AK9: variants seen among roughly 807,000 people sequenced by gnomAD.
The protein encoded by AK9 is adenylate kinase 9.
A neutral mutation model predicts 239.6 loss-of-function variants in AK9; 191 were observed. The observed-to-expected ratio is 0.80, with a 90% confidence interval of 0.71 to 0.90. The LOEUF is 0.90. AK9 is among the 40% of genes least tolerant of loss of function. The pLI, the probability that AK9 is intolerant of heterozygous loss-of-function variation, is 0.00. For synonymous variants in AK9, 689 were observed against 721.0 expected, an observed-to-expected ratio of 0.96 and a Z score of 0.71; for missense variants, 1,995 against 2,214.7, an observed-to-expected ratio of 0.90 and a Z score of 1.99.
chr6:109,628,343 T>C (rs1472926539), intron 12 of AK9, among the ~76,000 whole-genome samples: 1 of 152,160 alleles, frequency 6.6e-6, no homozygotes, highest in Non-Finnish European at 1.5e-5. Context: ...AGCAGCTCCC[T>C]TCTCCCTGCT....
intron 7 of AK9, among the ~76,000 whole-genome samples, chr6:109,659,013 C>T (rs932192374): frequency 5.3e-5 from 8 of 152,066 alleles, no homozygotes; most frequent in South Asian, 2.1e-4. Context: ...TGTAGAGACA[C>T]GTCTATGCTG....
At chr6:109,627,913 G>C (rs1795725553) in intron 12 of AK9, among the ~76,000 whole-genome samples, 1 of 152,188 alleles carries the variant, frequency 6.6e-6, no homozygotes, top group South Asian at 2.1e-4. Flanking sequence ...GCCTCCCAAA[G>C]TGCTGGGATT....
chr6:109,548,610 A>G (rs1783913256), intron 25 of AK9, among the ~76,000 whole-genome samples: 1 of 152,240 alleles, frequency 6.6e-6, no homozygotes, highest in Non-Finnish European at 1.5e-5. Flanking sequence ...ACAAGGACTG[A>G]TGATTAACAG....
rs1794525299 is a variant in AK9, at chr6:109,619,102, A to G, written c.1389T>C (p.Ala463=). ...VKEKLLRELQ[A]RKQAETALRE... The stretch of plus-strand genomic sequence containing the variant: ...AAAAAGATGTTTCACCTTGTTTTCT[A>G]GCTTGCAGTTCCCTGAGAAGCTTTT... Residue 463 remains alanine, a synonymous_variant, in exon 13 of 41, where the codon GCT becomes GCC. Transcript: ENST00000424296. 1 of 1,539,318 alleles carries G rather than the reference A, an allele frequency of 6.5e-7. No homozygotes were observed. The highest frequency in any genetic ancestry group is 1.2e-5 in the South Asian group (1 of 81,248).
chr6:109,581,947 A>G (rs1290962948), intron 19 of AK9, among the ~76,000 whole-genome samples: 1 of 152,132 alleles, frequency 6.6e-6, no homozygotes, highest in Non-Finnish European at 1.5e-5. Flanking sequence ...CAGTCCAAAA[A>G]TCCTAGGCCC....
At chr6:109,599,189 A>G (rs1009339824) in intron 17 of AK9, among the ~76,000 whole-genome samples, 2 of 151,422 alleles carry the variant, frequency 1.3e-5, no homozygotes, top group Non-Finnish European at 1.5e-5. Context: ...GTTTTCTTCT[A>G]GGGTTTTTAT....
intron 3 of AK9, among the ~76,000 whole-genome samples, chr6:109,673,782 T>C (rs1434705670): frequency 6.6e-6 from 1 of 151,934 alleles, no homozygotes; most frequent in Non-Finnish European, 1.5e-5. Flanking sequence ...ATAAATGCTA[T>C]GAACAAAACT....
chr6:109,524,341 C>T (rs1780194381), intron 29 of AK9, among the ~76,000 whole-genome samples: 1 of 151,972 alleles, frequency 6.6e-6, no homozygotes, highest in African/African-American at 2.4e-5. Context: ...AAGGTCTAAC[C>T]TATGTATAAC....
At chr6:109,564,035 C>A (rs1299504314) in intron 23 of AK9, 45 bp downstream of exon 23, 1 of 1,475,504 alleles carries the variant, frequency 6.8e-7, no homozygotes, top group Non-Finnish European at 9.2e-7. Flanking sequence ...GCTTCTAATA[C>A]TATCACCTGC....
At chr6:109,546,435 A>G (rs1783578140) in intron 25 of AK9, among the ~76,000 whole-genome samples, 1 of 152,240 alleles carries the variant, frequency 6.6e-6, no homozygotes, top group Admixed American at 6.5e-5. Context: ...TTAATACAGA[A>G]TGGAAAGATA....
Position 109,651,309 on chromosome 6 carries a change from T to C in AK9, c.759+5447A>G, listed in dbSNP as rs1474847016. On this transcript the variant is annotated intron_variant, in intron 8 of 40. Coordinates refer to ENST00000424296, the MANE Select transcript of AK9 (RefSeq NM_001145128.3). Reference sequence around the variant, plus strand: ...ACATGGAAACTGAACAACCTGCTTCTGAATGACTACTGGGTACATAACGAA... The same window carrying C: ...ACATGGAAACTGAACAACCTGCTTCCGAATGACTACTGGGTACATAACGAA... 3.3e-5 allele frequency among the ~76,000 whole-genome samples: 5 copies of C among 151,192 alleles called. No homozygotes were observed. The South Asian group carries it at 8.3e-4, about 25-fold the overall frequency.
At chr6:109,518,692 A>G (rs951767574) in intron 29 of AK9, among the ~76,000 whole-genome samples, 1 of 152,048 alleles carries the variant, frequency 6.6e-6, no homozygotes, top group African/African-American at 2.4e-5. Flanking sequence ...ATTTAATTAC[A>G]TCATATTTTA....
Position 109,529,585 on chromosome 6 carries a change from T to A in AK9, c.3571-512A>T, listed in dbSNP as rs147473574. 5.6e-3 allele frequency among the ~76,000 whole-genome samples: 857 copies of A among 152,268 alleles called. 9 individuals are homozygous for A. The highest frequency in any genetic ancestry group is 0.02 in the African/African-American group (827 of 41,536). On this transcript the variant is annotated intron_variant, in intron 28 of 40. Coordinates refer to ENST00000424296, the MANE Select transcript of AK9 (RefSeq NM_001145128.3). ...GCACTTTATTTCTATTATTATTACA[T>A]TGTAATATCCAAAGAAATAATTTTA...
At position 109,516,606 on chromosome 6, in the gene AK9, C is replaced by A; in HGVS notation, c.3670G>T (p.Glu1224Ter). Reference sequence around the variant, plus strand: ...ATATCATCATTGTCTTCTTCAAGTTCTTCCTCACTAATCTCTTCATCATCT... The same window carrying A: ...ATATCATCATTGTCTTCTTCAAGTTATTCCTCACTAATCTCTTCATCATCT... ...VRDDEEISEE[E>*]LEEDNDDIEN... The change falls in exon 30 of 41, where the codon GAA becomes TAA. Residue 1224 changes from glutamate (E) to a stop codon, truncating the protein, a stop_gained. Coordinates refer to ENST00000424296, the MANE Select transcript of AK9 (RefSeq NM_001145128.3). LOFTEE classifies it high-confidence loss of function. 6.4e-7 allele frequency: 1 copy of A among 1,550,444 alleles called. No homozygotes were observed. Among genetic ancestry groups the A allele is most frequent in the Non-Finnish European group, 8.7e-7 (1 of 1,146,848 alleles).
chr6:109,568,874 A>AT (rs769361257), intron 21 of AK9, among the ~76,000 whole-genome samples: 2 of 152,222 alleles, frequency 1.3e-5, no homozygotes, highest in African/African-American at 2.4e-5. Context: ...TTATAGATTC[A>AT]ATGCCATCCC....
chr6:109,646,414 C>T (rs1798070473), intron 8 of AK9, among the ~76,000 whole-genome samples: 1 of 152,040 alleles, frequency 6.6e-6, no homozygotes, highest in African/African-American at 2.4e-5. Flanking sequence ...CATGATGGAG[C>T]TGAAAACCAT....
intron 1 of AK9, among the ~76,000 whole-genome samples, 190 bp downstream of exon 1, chr6:109,690,957 C>G (rs1465265137): frequency 2.6e-5 from 4 of 152,120 alleles, no homozygotes; most frequent in African/African-American, 9.7e-5. Context: ...GTCAGAGGGC[C>G]GGCTTCCAGG....
intron 29 of AK9, among the ~76,000 whole-genome samples, chr6:109,522,457 G>T (rs1779970324): frequency 6.6e-6 from 1 of 151,476 alleles, no homozygotes; most frequent in African/African-American, 2.4e-5. Flanking sequence ...TTTTTCTTTT[G>T]TATTTCCTAT....
At chr6:109,685,858 T>C (rs1773435114) in intron 1 of AK9, among the ~76,000 whole-genome samples, 1 of 152,190 alleles carries the variant, frequency 6.6e-6, no homozygotes, top group African/African-American at 2.4e-5. Context: ...ATTTAAAAGA[T>C]GTACAATCCT....
Sources: allele counts gnomAD v4.1 joint callset (sites outside exome capture counted in the v4.1 genomes callset), GRCh38; gene constraint gnomAD v4.1.1; transcripts MANE v1.5; gene names NCBI Gene and HGNC (gene_info 2026-07-23, HGNC 2026-07-21).